ACADSB: variants seen among roughly 807,000 people sequenced by gnomAD.
ACADSB encodes short/branched chain specific acyl-CoA dehydrogenase, mitochondrial.
A neutral mutation model predicts 54.1 loss-of-function variants in ACADSB; 40 were observed. That is an observed-to-expected ratio of 0.74 (90% CI 0.57 to 0.96). The LOEUF (loss-of-function observed/expected upper bound fraction) is 0.96, where lower values mean the gene tolerates loss of function less well. Ranked by LOEUF, ACADSB falls within the 40% of genes least tolerant of loss-of-function variation. The probability of loss-of-function intolerance (pLI) is 0.00; values close to 1 mark genes in which losing one functional copy is unlikely to be tolerated. For missense variants in ACADSB, 530 were observed against 510.4 expected (o/e 1.04, Z -0.37); for synonymous variants, 182 against 182.8 (o/e 1.00, Z 0.03).
At chr10:123,031,441 CA>C (rs984517869) in intron 1 of ACADSB, among the ~76,000 whole-genome samples, 11 of 152,004 alleles carry the variant, frequency 7.2e-5, no homozygotes, top group Non-Finnish European at 1.5e-4. Flanking sequence ...CTGTTCTATA[CA>C]AAAAAATGTG....
At chr10:123,017,464 C>G (rs959334110) in intron 1 of ACADSB, among the ~76,000 whole-genome samples, 1 of 152,162 alleles carries the variant, frequency 6.6e-6, no homozygotes, top group African/African-American at 2.4e-5. Flanking sequence ...ATTATAGGCA[C>G]CTACCACCAT....
chr10:123,034,485 A>G lies in ACADSB; in HGVS notation c.172A>G (p.Thr58Ala). 1 of 1,611,308 alleles carries G rather than the reference A, an allele frequency of 6.2e-7. No individual in the cohort carries two copies. The highest frequency in any genetic ancestry group is 2.2e-5 in the East Asian group (1 of 44,868). ...GIHFAPLQTFTDEEMMIKSSV... is the reference protein window; with the variant it reads ...GIHFAPLQTFADEEMMIKSSV... ...ACACTTTGCTCCCCTGCAAACATTT[A>G]CAGATGAGGAAATGATGATAAAGAG... is the stretch of plus-strand genomic sequence containing the variant. Residue 58 changes from threonine to alanine, a missense_variant, in exon 2 of 11, where the codon ACA (threonine) becomes GCA (alanine). Transcript: ENST00000358776.
chr10:123,032,323 T>C (rs577323648), intron 1 of ACADSB, among the ~76,000 whole-genome samples: 54 of 152,222 alleles, frequency 3.5e-4, no homozygotes, highest in African/African-American at 1.1e-3. Context: ...AAAGGTGATA[T>C]ATTAACTAAC....
chr10:123,020,790 C>T (rs919072193), intron 1 of ACADSB, among the ~76,000 whole-genome samples: 1 of 152,102 alleles, frequency 6.6e-6, no homozygotes, highest in Non-Finnish European at 1.5e-5. Context: ...AAATGGTTGC[C>T]ATAGTGCCAG....
intron 5 of ACADSB, among the ~76,000 whole-genome samples, chr10:123,042,310 A>T (rs73373611): frequency 0.1 from 15,695 of 152,028 alleles, 943 homozygotes; most frequent in East Asian, 0.14. Context: ...TTTAGTAATG[A>T]AGAATTTAAG....
chr10:123,051,227 A>AG, intron 9 of ACADSB, 41 bp downstream of exon 9: 1 of 1,243,946 alleles, frequency 8.0e-7, no homozygotes, highest in South Asian at 1.5e-5. Context: ...AAAGTAATTC[A>AG]GCCTTTTTTT....
intron 1 of ACADSB, among the ~76,000 whole-genome samples, chr10:123,021,180 T>C (rs1436073713): frequency 6.6e-6 from 1 of 152,210 alleles, no homozygotes; most frequent in Non-Finnish European, 1.5e-5. Flanking sequence ...ACCCCTGCAT[T>C]AGTCCACCAT....
intron 5 of ACADSB, among the ~76,000 whole-genome samples, chr10:123,042,792 A>G (rs899171402): frequency 6.6e-6 from 1 of 152,186 alleles, no homozygotes; most frequent in African/African-American, 2.4e-5. Flanking sequence ...TGACATTCTC[A>G]TGATTATATA....
intron 10 of ACADSB, 96 bp from the exon 11 acceptor site, chr10:123,053,599 T>C (rs1850661274): frequency 1.9e-6 from 2 of 1,066,932 alleles, no homozygotes; most frequent in African/African-American, 1.6e-5. Flanking sequence ...CTAGTAACTG[T>C]TTTATAGCAA....
intron 1 of ACADSB, among the ~76,000 whole-genome samples, chr10:123,013,730 C>T (rs989443576): frequency 3.3e-5 from 5 of 152,364 alleles, no homozygotes; most frequent in Admixed American, 2.6e-4. Flanking sequence ...GGCGCACCCT[C>T]CACAGCTGCT....
intron 8 of ACADSB, among the ~76,000 whole-genome samples, chr10:123,048,455 C>T (rs947352812): frequency 6.6e-6 from 1 of 151,766 alleles, no homozygotes; most frequent in Non-Finnish European, 1.5e-5. Context: ...GGCTTCTAGT[C>T]GAATTTTCAT....
At chr10:123,017,352 C>A (rs1850121335) in intron 1 of ACADSB, among the ~76,000 whole-genome samples, 1 of 152,124 alleles carries the variant, frequency 6.6e-6, no homozygotes, top group Non-Finnish European at 1.5e-5. Flanking sequence ...GAGTTTCATT[C>A]TTGTTGCCTA....
chr10:123,053,083 A>C lies in ACADSB; in HGVS notation c.1151A>C (p.Lys384Thr). The C allele has an allele frequency of 2.5e-6, 4 of 1,614,020 alleles. No individual in the cohort carries two copies. The highest frequency in any genetic ancestry group is 2.5e-6 in the Non-Finnish European group (3 of 1,179,934). ...ASEIAGQTTS[K>T]CIEWMGGVGY... is the part of the protein sequence containing the mutation. ...TAGATTGCAGGACAAACAACGAGTA[A>C]ATGTATCGAGTGGATGGGGGGAGTA... is the stretch of plus-strand genomic sequence containing the variant. The change falls in exon 10 of 11, where the codon AAA (lysine) becomes ACA (threonine). Residue 384 changes from lysine (K) to threonine (T), a missense_variant. By Grantham distance (78) the Lys-to-Thr change is moderately conservative. Transcript: ENST00000358776.
chr10:123,029,694 G>A (rs1196351329), intron 1 of ACADSB, among the ~76,000 whole-genome samples: 1 of 152,152 alleles, frequency 6.6e-6, no homozygotes, highest in Non-Finnish European at 1.5e-5. Context: ...ATTTATGCAT[G>A]CTTTGTTGAC....
At position 123,048,599 on chromosome 10, in the gene ACADSB, T is replaced by C. The variant is rs1589744882; in HGVS notation, c.990+1301T>C. 2.0e-5 allele frequency among the ~76,000 whole-genome samples: 3 copies of C among 152,260 alleles called. No homozygotes were observed. The East Asian group carries it at 5.8e-4, about 29-fold the overall frequency. ...CTATGTTCTTGTGCATATAGATAGATAGATCAATAGACAGAAGGGGTCAGG... is the reference window on the plus strand; with the variant it reads ...CTATGTTCTTGTGCATATAGATAGACAGATCAATAGACAGAAGGGGTCAGG... On this transcript the variant is annotated intron_variant, in intron 8 of 10. Transcript: ENST00000358776.
At chr10:123,013,202 T>C (rs949713047) in intron 1 of ACADSB, among the ~76,000 whole-genome samples, 1 of 152,322 alleles carries the variant, frequency 6.6e-6, no homozygotes, top group Non-Finnish European at 1.5e-5. Flanking sequence ...AGAGTGCTGA[T>C]TGGTGTATTT....
At chr10:123,039,844 G>C (rs2133479900) in intron 3 of ACADSB, among the ~76,000 whole-genome samples, 1 of 152,188 alleles carries the variant, frequency 6.6e-6, no homozygotes, top group South Asian at 2.1e-4. Flanking sequence ...GGTCATCTAA[G>C]TATATAAGAT....
chr10:123,013,552 G>A (rs893223816), intron 1 of ACADSB, among the ~76,000 whole-genome samples: 5 of 152,256 alleles, frequency 3.3e-5, no homozygotes, highest in Non-Finnish European at 7.3e-5. Flanking sequence ...GTGGAGCAGG[G>A]GGTGGCGCTC....
intron 3 of ACADSB, 96 bp downstream of exon 3, chr10:123,037,943 ATC>A (rs1850421480): frequency 1.1e-6 from 1 of 942,474 alleles, no homozygotes; most frequent in African/African-American, 1.7e-5. Context: ...AGTCAAAATT[ATC>A]TGTTTTCTTT....
Sources: gnomAD v4.1 joint callset for allele counts (sites outside exome capture counted in the v4.1 genomes callset) on GRCh38, gnomAD v4.1.1 for gene constraint, MANE v1.5 for transcripts, NCBI Gene and HGNC (gene_info 2026-07-23, HGNC 2026-07-21) for gene names.